Variants in NFASC observed in about 807,000 individuals in gnomAD.
NFASC encodes neurofascin homolog.
NFASC carries 43 observed loss-of-function variants against 147.5 expected under a neutral mutation model. That is an observed-to-expected ratio of 0.29 (90% confidence interval 0.23 to 0.38). NFASC has a LOEUF of 0.38. Among genes scored for constraint, NFASC ranks in the 10% least tolerant of loss-of-function variants. The pLI, the probability that NFASC is intolerant of heterozygous loss-of-function variation, is 1.00. For synonymous variants in NFASC, 622 were observed against 665.5 expected (o/e 0.93, Z 1.01); for missense variants, 1,320 against 1,689.0 (o/e 0.78, Z 3.83).
At chr1:204,842,484 A>G (rs1675633762) in intron 1 of NFASC, among the ~76,000 whole-genome samples, 1 of 142,500 alleles carries the variant, frequency 7.0e-6, no homozygotes, top group Admixed American at 7.1e-5. Context: ...TCTGTCTGAA[A>G]ACTCTTTGTC....
At chr1:204,983,060 G>A (rs757703812) in intron 21 of NFASC, among the ~76,000 whole-genome samples, 51 of 152,222 alleles carry the variant, frequency 3.4e-4, no homozygotes, top group Admixed American at 2.6e-4. Flanking sequence ...TCAGACAGGA[G>A]CCCGATGGGA....
In NFASC at chr1:204,954,756, G is replaced by T; in HGVS notation, c.413-73G>T. ...TTCTGTTTCTCCTCCTTGCATGCCT[G>T]CCTCTGACCCTGCTCCTTGCCCCGG... On this transcript the variant is annotated intron_variant, in intron 6 of 29. Coordinates refer to ENST00000339876, the MANE Select transcript of NFASC (RefSeq NM_001005388.3). The surrounding 1 kb of genome is among the most constrained non-coding windows in gnomAD (Gnocchi z 5.7). 6.4e-7 allele frequency: 1 copy of T among 1,553,374 alleles called. No individual in the cohort carries two copies. Among genetic ancestry groups the T allele is most frequent in the Non-Finnish European group, 8.8e-7 (1 of 1,133,200 alleles).
chr1:204,966,182 A>G (rs2094937571), intron 8 of NFASC, among the ~76,000 whole-genome samples: 1 of 152,084 alleles, frequency 6.6e-6, no homozygotes, highest in Non-Finnish European at 1.5e-5. Context: ...TATTGCTGTA[A>G]CCTCTTTATA....
intron 23 of NFASC, among the ~76,000 whole-genome samples, 181 bp from the exon 24 acceptor site, chr1:204,991,111 C>G (rs3820336): frequency 2.0e-5 from 3 of 152,222 alleles, no homozygotes; most frequent in Non-Finnish European, 4.4e-5. Context: ...GACCGTGAAC[C>G]CTGAATGCCA....
intron 1 of NFASC, among the ~76,000 whole-genome samples, chr1:204,871,495 T>G (rs771926884): frequency 1.3e-5 from 2 of 152,200 alleles, no homozygotes; most frequent in Non-Finnish European, 1.5e-5. Flanking sequence ...TTGTGAAGCC[T>G]GTGTTAACTC....
At chr1:205,011,473 T>C (rs2096252885) in intron 28 of NFASC, among the ~76,000 whole-genome samples, 1 of 152,212 alleles carries the variant, frequency 6.6e-6, no homozygotes, top group Non-Finnish European at 1.5e-5. Context: ...TTGGGTGGAC[T>C]GAGTTCACGC....
chr1:204,954,251 G>A lies in NFASC; in HGVS notation c.279G>A (p.Arg93=). 1 of 1,614,228 alleles carries A rather than the reference G, an allele frequency of 6.2e-7. No individual in the cohort carries two copies. Among genetic ancestry groups the A allele is most frequent in the Non-Finnish European group, 8.5e-7 (1 of 1,180,048 alleles). The stretch of plus-strand genomic sequence containing the variant: ...CCAAGGACCCCCGGGTGTCCATGAG[G>A]AGGAGGTCTGGGACCCTGGTGATTG... ...NIAKDPRVSM[R]RRSGTLVIDF... Residue 93 remains arginine, a synonymous_variant, in exon 6 of 30, where the codon AGG becomes AGA. Coordinates refer to ENST00000339876, the MANE Select transcript of NFASC (RefSeq NM_001005388.3). This position sits in a 1 kb window ranked among gnomAD's most constrained non-coding sequence, Gnocchi z 5.7.
At chr1:204,893,264 T>C (rs577854595) in intron 1 of NFASC, among the ~76,000 whole-genome samples, 58 of 152,168 alleles carry the variant, frequency 3.8e-4, no homozygotes, top group Admixed American at 6.5e-4. Context: ...ATGTTGTTTT[T>C]AAGGTCCCAG....
At chr1:204,996,876 C>T (rs1462976475) in intron 24 of NFASC, among the ~76,000 whole-genome samples, 1 of 152,174 alleles carries the variant, frequency 6.6e-6, no homozygotes, top group African/African-American at 2.4e-5. Flanking sequence ...TCAGCCCGTG[C>T]CCCCTTCCCG....
intron 1 of NFASC, among the ~76,000 whole-genome samples, chr1:204,847,175 C>T (rs1221278126): frequency 6.6e-6 from 1 of 151,838 alleles, no homozygotes; most frequent in Non-Finnish European, 1.5e-5. Context: ...CTGTGACTAC[C>T]CCATCCTGGC....
intron 8 of NFASC, among the ~76,000 whole-genome samples, chr1:204,962,484 G>A (rs968101966): frequency 1.3e-5 from 2 of 152,234 alleles, no homozygotes; most frequent in Admixed American, 6.5e-5. Context: ...AAGAATGGAT[G>A]AAGGGAGACT....
intron 1 of NFASC, among the ~76,000 whole-genome samples, chr1:204,876,006 T>C (rs2078712036): frequency 6.6e-6 from 1 of 152,146 alleles, no homozygotes; most frequent in African/African-American, 2.4e-5. Context: ...TACACAGTCA[T>C]TTGGGATGTA....
chr1:204,934,916 G>A (rs1273918190), intron 2 of NFASC, among the ~76,000 whole-genome samples: 1 of 152,232 alleles, frequency 6.6e-6, no homozygotes, highest in Non-Finnish European at 1.5e-5. Flanking sequence ...TGCTGGCTAT[G>A]CAGCCAGTAA....
chr1:204,846,950 C>T (rs963761915), intron 1 of NFASC, among the ~76,000 whole-genome samples: 9 of 119,104 alleles, frequency 7.6e-5, no homozygotes, highest in East Asian at 8.2e-4. Flanking sequence ...TGTGTGTGTA[C>T]GCGTGTGTGT....
intron 1 of NFASC, among the ~76,000 whole-genome samples, chr1:204,904,758 G>T (rs1437596483): frequency 4.6e-5 from 7 of 152,098 alleles, no homozygotes; most frequent in Non-Finnish European, 1.0e-4. Flanking sequence ...TTAGAGCTCA[G>T]GTGCACAGCA....
chr1:205,006,480 G>T (rs1312771732), intron 27 of NFASC, among the ~76,000 whole-genome samples: 2 of 152,218 alleles, frequency 1.3e-5, no homozygotes, highest in East Asian at 3.8e-4. Flanking sequence ...AAAGGTGGCA[G>T]TGAGCTAGGA....
In NFASC at chr1:204,977,289, G is replaced by A. The variant is rs570339799; in HGVS notation, c.1832-392G>A. On this transcript the variant is annotated intron_variant, in intron 16 of 29. Transcript: ENST00000339876. ...TGTCTTCCTGTCCTGCACCCAGGCT[G>A]GACTGTAAATACTAAGCTAACCCAA... 2.7e-5 allele frequency: 8 copies of A among 300,732 alleles called. No individual in the cohort carries two copies. The South Asian group carries it at 7.4e-4, about 28-fold the overall frequency. 18.6% of individuals were successfully genotyped at this position (300,732 alleles called of 1,614,324 possible).
At chr1:204,885,786 G>A (rs1393731298) in intron 1 of NFASC, among the ~76,000 whole-genome samples, 1 of 152,100 alleles carries the variant, frequency 6.6e-6, no homozygotes. Flanking sequence ...CACCCCCTTT[G>A]GCATTCACTG....
chr1:204,932,292 C>T (rs1413164750), intron 2 of NFASC, among the ~76,000 whole-genome samples: 2 of 152,106 alleles, frequency 1.3e-5, no homozygotes, highest in Non-Finnish European at 2.9e-5. Flanking sequence ...CTGAAAAAGT[C>T]AGTAATGCAG....
Sources: allele counts gnomAD v4.1 joint callset (sites outside exome capture counted in the v4.1 genomes callset), GRCh38; gene constraint gnomAD v4.1.1; non-coding constraint Gnocchi (gnomAD v3.1); transcripts MANE v1.5; gene names NCBI Gene and HGNC (gene_info 2026-07-23, HGNC 2026-07-21).